The following CHRNE variants were observed in gnomAD, a reference collection of about 807,000 sequenced individuals.
CHRNE encodes cholinergic receptor nicotinic epsilon subunit, also known as acetylcholine receptor subunit epsilon.
In CHRNE, 58 loss-of-function variants were observed where a neutral mutation model predicts 56.5. The observed-to-expected ratio is 1.03, with a 90% CI of 0.83 to 1.28. CHRNE has a LOEUF of 1.28. Ranked by LOEUF, CHRNE falls within the 50% of genes most tolerant of loss-of-function variation. The pLI, the probability that CHRNE is intolerant of heterozygous loss-of-function variation, is 0.00. For missense variants in CHRNE, 793 were observed against 688.9 expected, an observed-to-expected ratio of 1.15 and a Z score of -1.69; for synonymous variants, 385 against 297.9, an observed-to-expected ratio of 1.29 and a Z score of -3.01.
chr17:4,901,082 C>T lies in CHRNE; in HGVS notation c.710G>A (p.Arg237His), dbSNP rs201434993. 2.2e-5 allele frequency: 35 copies of T among 1,613,702 alleles called. No individual in the cohort carries two copies. The Admixed American group carries it at 4.2e-4, about 19-fold the overall frequency. ...ETDVIYSLII[R>H]RKPLFYVINI... Reference sequence around the variant, plus strand: ...AATGACGTAGAAGAGCGGCTTCCGGCGGATGATGAGCGAGTAGATGACGTC... The same window carrying T: ...AATGACGTAGAAGAGCGGCTTCCGGTGGATGATGAGCGAGTAGATGACGTC... Residue 237 changes from arginine to histidine, a missense_variant, in exon 7 of 12, where the codon CGC (arginine) becomes CAC (histidine). Physicochemically the swap from Arg to His is conservative, Grantham distance 29. Coordinates refer to ENST00000649488, the MANE Select transcript of CHRNE (RefSeq NM_000080.4).
intron 5 of CHRNE, 88 bp from the exon 6 acceptor site, chr17:4,901,713 G>T (rs926605159): frequency 2.1e-5 from 29 of 1,381,876 alleles, no homozygotes; most frequent in Non-Finnish European, 3.0e-5. Context: ...GATCTAGCGG[G>T]GCCGCGATCC....
In CHRNE at chr17:4,899,491, C is replaced by CGTGGGTG. The variant is rs757396750; in HGVS notation, c.1002_1008dup (p.Ala337HisfsTer62). On this transcript the variant is annotated frameshift_variant, in exon 9 of 12. Transcript: ENST00000649488. LOFTEE classifies it high-confidence loss of function. ...ACGTGGCGCAGCCGCGGGGACATGG[C>CGTGGGTG]GTGGGTGGTGGGCGTCCGCTGGGAC... 6 of 1,600,836 alleles carry CGTGGGTG rather than the reference C, an allele frequency of 3.7e-6. No homozygotes were observed. The African/African-American group carries it at 6.7e-5, about 18-fold the overall frequency.
At chr17:4,900,121 G>A (rs924656972) in intron 8 of CHRNE, 3 of 1,550,576 alleles carry the variant, frequency 1.9e-6, no homozygotes, top group Non-Finnish European at 2.6e-6. Context: ...CCAGCCTCGT[G>A]AGCTTCGGCA....
intron 9 of CHRNE, 39 bp from the exon 10 acceptor site, chr17:4,899,423 G>A (rs534346599): frequency 5.8e-6 from 9 of 1,546,910 alleles, no homozygotes; most frequent in South Asian, 3.6e-5. Context: ...AGGTTAGTAC[G>A]AAGCCCCACC....
Position 4,899,511 on chromosome 17 carries a change from T to C in CHRNE, c.989A>G (p.Gln330Arg), listed in dbSNP as rs747017964. The change falls in exon 9 of 12, where the codon CAG (glutamine) becomes CGG (arginine). Residue 330 changes from glutamine to arginine, a missense_variant. By Grantham distance (43) the Gln-to-Arg change is conservative (BLOSUM62 1). Transcript: ENST00000649488. ...CATGGCGTGGGTGGTGGGCGTCCGC[T>C]GGGACACGTTGAGCACGATGACGCA... ...MNCVIVLNVS[Q>R]RTPTTHAMSP... 39 of 1,603,944 alleles carry C rather than the reference T, an allele frequency of 2.4e-5. No homozygotes were observed. The highest frequency in any genetic ancestry group is 2.2e-4 in the Admixed American group (13 of 58,804).
upstream of CHRNE, among the ~76,000 whole-genome samples, chr17:4,907,837 T>C (rs141780951): frequency 0.013 from 1,933 of 151,508 alleles, 42 homozygotes; most frequent in African/African-American, 0.045. Flanking sequence ...AGATCAGGAG[T>C]TCAAGACCAG....
intron 8 of CHRNE, chr17:4,900,152 T>G: frequency 6.5e-7 from 1 of 1,548,834 alleles, no homozygotes; most frequent in Non-Finnish European, 8.7e-7. Context: ...AGAGGTGGGG[T>G]ACTGGGGGGC....
upstream of CHRNE, among the ~76,000 whole-genome samples, chr17:4,906,256 G>C (rs1330514219): frequency 6.6e-6 from 1 of 152,114 alleles, no homozygotes; most frequent in Non-Finnish European, 1.5e-5. Context: ...TGGATAGTGG[G>C]TGTGGCAGGC....
chr17:4,906,877 A>T (rs370565325), upstream of CHRNE, among the ~76,000 whole-genome samples: 30 of 152,312 alleles, frequency 2.0e-4, no homozygotes, highest in East Asian at 5.2e-3. Flanking sequence ...AAAGGATGAG[A>T]TCCTGTCATT....
rs1969960127 is a variant in CHRNE, at chr17:4,900,882, G to A, written c.828C>T (p.Ser276=). 1 of 1,614,196 alleles carries A rather than the reference G, an allele frequency of 6.2e-7. No homozygotes were observed. The highest frequency in any genetic ancestry group is 8.5e-7 in the Non-Finnish European group (1 of 1,180,004). The change falls in exon 8 of 12, where the codon TCC becomes TCT. Residue 276 remains serine, a synonymous_variant. Transcript: ENST00000649488. ...AQAGGQKCTV[S]INVLLAQTVF... ...CGGTCTGGGCGAGCAGGACGTTGAT[G>A]GAGACCGTGCATTTCTGGCCGCCGG...
rs1156609634 is a variant in CHRNE at position 4,902,205 on chromosome 17, C to A, written c.344+12G>T. ...GGCTTCCCTCCAGCCTGGCGTCTGG[C>A]CCGGTTCTCACTTGTTTTCCAGCAC... On this transcript the variant is annotated intron_variant, in intron 4 of 11. Coordinates refer to ENST00000649488, the MANE Select transcript of CHRNE (RefSeq NM_000080.4). This position sits in a 1 kb window ranked among gnomAD's most constrained non-coding sequence, Gnocchi z 4.0. 1.2e-6 allele frequency: 2 copies of A among 1,613,912 alleles called. No homozygotes were observed. Among genetic ancestry groups the A allele is most frequent in the Non-Finnish European group, 1.7e-6 (2 of 1,179,902 alleles).
In CHRNE at chr17:4,902,757, C is replaced by T; in HGVS notation, c.53G>A (p.Gly18Asp). The T allele has an allele frequency of 6.2e-7, 1 of 1,614,024 alleles. No individual in the cohort carries two copies. The highest frequency in any genetic ancestry group is 8.5e-7 in the Non-Finnish European group (1 of 1,179,998). ...VLLLLGLLGR[G>D]VGKNEELRLY... ...ACGCAGTTCCTCGTTCTTCCCCACA[C>T]CCCTGCCTGCGATGGGGTCAAGAAG... Residue 18 changes from glycine to aspartate, a missense_variant, in exon 2 of 12, where the codon GGT (glycine) becomes GAT (aspartate). By Grantham distance (94) the Gly-to-Asp change is moderately conservative. Coordinates refer to ENST00000649488, the MANE Select transcript of CHRNE (RefSeq NM_000080.4). The surrounding 1 kb of genome is among the most constrained non-coding windows in gnomAD (Gnocchi z 4.0).
At position 4,898,570 on chromosome 17, in the gene CHRNE, C is replaced by G; in HGVS notation, c.*166G>C. ...CCTCCTGCTGACCCCTGGACTGCGG[C>G]CAGGCCTACACACGCCAGGGAACGG... On this transcript the variant is annotated 3_prime_UTR_variant, in exon 12 of 12. Coordinates refer to ENST00000649488, the MANE Select transcript of CHRNE (RefSeq NM_000080.4). The G allele has an allele frequency of 3.3e-6, 3 of 920,004 alleles. No homozygotes were observed. In the South Asian group the frequency reaches 4.7e-5, roughly 14 times the overall value. 57.0% of individuals were successfully genotyped at this position (920,004 alleles called of 1,614,324 possible).
In CHRNE at chr17:4,899,488, T is replaced by A; in HGVS notation, c.1012A>T (p.Met338Leu). ...CTTACGTGGCGCAGCCGCGGGGACATGGCGTGGGTGGTGGGCGTCCGCTGG... is the reference window on the plus strand; with the variant it reads ...CTTACGTGGCGCAGCCGCGGGGACAAGGCGTGGGTGGTGGGCGTCCGCTGG... ...VSQRTPTTHA[M>L]SPRLRHVLLE... The change falls in exon 9 of 12, where the codon ATG becomes TTG. Residue 338 changes from methionine (M) to leucine (L), a missense_variant. Physicochemically the swap from Met to Leu is conservative, Grantham distance 15 (BLOSUM62 2). Coordinates refer to ENST00000649488, the MANE Select transcript of CHRNE (RefSeq NM_000080.4). The A allele has an allele frequency of 6.2e-7, 1 of 1,600,248 alleles. No individual in the cohort carries two copies. The highest frequency in any genetic ancestry group is 8.5e-7 in the Non-Finnish European group (1 of 1,174,942).
At chr17:4,898,955 TG>T in intron 11 of CHRNE, 45 bp downstream of exon 11, 1 of 1,558,394 alleles carries the variant, frequency 6.4e-7, no homozygotes, top group Admixed American at 1.9e-5. Flanking sequence ...TGGGAGACAG[TG>T]GTGGGCCTCT....
upstream of CHRNE, chr17:4,903,109 G>T (rs865902930): frequency 7.5e-6 from 12 of 1,606,616 alleles, 1 homozygote; most frequent in Middle Eastern, 2.0e-3. Flanking sequence ...GGCAGGCTTG[G>T]AGGGGGCATG....
At chr17:4,898,957 GT>G in intron 11 of CHRNE, 43 bp downstream of exon 11, 1 of 1,556,490 alleles carries the variant, frequency 6.4e-7, no homozygotes, top group Non-Finnish European at 8.7e-7. Flanking sequence ...GGAGACAGTG[GT>G]GGGCCTCTGC....
chr17:4,898,792 C>G lies in CHRNE; in HGVS notation c.1426G>C (p.Gly476Arg). 1 of 1,608,700 alleles carries G rather than the reference C, an allele frequency of 6.2e-7. No homozygotes were observed. The highest frequency in any genetic ancestry group is 8.5e-7 in the Non-Finnish European group (1 of 1,178,110). ...TCAGGCACTCGGTTGAAGTAGGCCC[C>G]GAGGAAGATGAGGCTGGAGCCCACG... The part of the protein sequence containing the change: ...FSVGSSLIFL[G>R]AYFNRVPDLP... The change falls in exon 12 of 12, where the codon GGG becomes CGG. Residue 476 changes from glycine (G) to arginine (R), a missense_variant. Transcript: ENST00000649488.
rs1555546465 is a variant in CHRNE, at chr17:4,899,563, CCAT to C, written c.934_936del (p.Met312del). 1.3e-5 allele frequency: 20 copies of C among 1,592,832 alleles called. No individual in the cohort carries two copies. The highest frequency in any genetic ancestry group is 1.7e-5 in the Non-Finnish European group (20 of 1,170,656). ...TTCATGACAATGAGCGTGGCGACCA[CCAT>C]GACGAAAATAAGGAACCTGAGGAGC... On this transcript the variant is annotated inframe_deletion, in exon 9 of 12. Transcript: ENST00000649488.
Sources: gnomAD v4.1 joint callset for allele counts (sites outside exome capture counted in the v4.1 genomes callset) on GRCh38, gnomAD v4.1.1 for gene constraint, Gnocchi (gnomAD v3.1) non-coding constraint, MANE v1.5 for transcripts, NCBI Gene and HGNC (gene_info 2026-07-23, HGNC 2026-07-21) for gene names.